TFAP2A: variants seen among roughly 807,000 people sequenced by gnomAD.
TFAP2A encodes transcription factor AP-2-alpha.
A neutral mutation model predicts 41.5 loss-of-function variants in TFAP2A; 7 were observed. That is an observed-to-expected ratio of 0.17 (90% CI 0.10 to 0.32). The LOEUF (loss-of-function observed/expected upper bound fraction) is 0.32. Among genes scored for constraint, TFAP2A ranks in the 10% least tolerant of loss-of-function variants. The probability of loss-of-function intolerance (pLI) is 1.00; values close to 1 mark genes in which losing one functional copy is unlikely to be tolerated. For synonymous variants in TFAP2A, 247 were observed against 242.8 expected, an observed-to-expected ratio of 1.02 and a Z score of -0.16; for missense variants, 416 against 563.3, an observed-to-expected ratio of 0.74 and a Z score of 2.65.
intron 1 of TFAP2A, chr6:10,414,706 G>A (rs1436021437): frequency 1.5e-6 from 1 of 652,908 alleles, no homozygotes; most frequent in East Asian, 2.8e-5. Context: ...GTCAGAAAGG[G>A]GAGTAAAGTG....
chr6:10,419,321 C>T (rs1758350384), upstream of TFAP2A: 5 of 1,467,124 alleles, frequency 3.4e-6, no homozygotes, highest in African/African-American at 1.4e-5. Flanking sequence ...CTCCCCTGCC[C>T]TGGGCCACGG....
At chr6:10,399,395 C>G (rs1166576802) in intron 6 of TFAP2A, among the ~76,000 whole-genome samples, 3 of 152,188 alleles carry the variant, frequency 2.0e-5, no homozygotes, top group South Asian at 2.1e-4. Context: ...CCACATAGCT[C>G]AAAATAAAAA....
At chr6:10,416,099 A>G (rs1295481167), upstream of TFAP2A, 3 of 152,198 alleles carry the variant, frequency 2.0e-5, no homozygotes, top group South Asian at 2.1e-4. Flanking sequence ...GAGCCTAAAA[A>G]CAGACGTGTG....
intron 5 of TFAP2A, chr6:10,400,879 C>A (rs1332593750): frequency 1.7e-5 from 10 of 598,316 alleles, no homozygotes; most frequent in Admixed American, 8.7e-5. Flanking sequence ...TCTCCAAATT[C>A]TCTTTTAAAA....
At chr6:10,409,335 A>C (rs988148993) in intron 2 of TFAP2A, 1 of 153,928 alleles carries the variant, frequency 6.5e-6, no homozygotes, top group African/African-American at 2.4e-5. Flanking sequence ...AGTAAGAAGA[A>C]GGCTGCATTT....
At chr6:10,413,942 C>A (rs1275972347) in intron 1 of TFAP2A, among the ~76,000 whole-genome samples, 1 of 152,228 alleles carries the variant, frequency 6.6e-6, no homozygotes, top group East Asian at 1.9e-4. Flanking sequence ...ACACCCCAAC[C>A]CCTCTCTCGG....
chr6:10,416,017 C>A (rs917593647), upstream of TFAP2A: 19 of 152,344 alleles, frequency 1.2e-4, no homozygotes, highest in Admixed American at 8.5e-4. Context: ...GGTGTTCAGG[C>A]TAAGGTTTCC....
intron 6 of TFAP2A, among the ~76,000 whole-genome samples, chr6:10,400,043 C>T (rs888175706): frequency 2.0e-5 from 3 of 152,070 alleles, no homozygotes; most frequent in African/African-American, 7.2e-5. Context: ...TTGCAGGCCA[C>T]TGTTTAATCT....
At chr6:10,418,496 A>C (rs1371954818), upstream of TFAP2A, 1 of 152,256 alleles carries the variant, frequency 6.6e-6, no homozygotes, top group Non-Finnish European at 1.5e-5. Context: ...CGCGGTTCTG[A>C]TGATGAAATC....
chr6:10,414,510 T>A (rs1361053758), intron 1 of TFAP2A: 2 of 314,140 alleles, frequency 6.4e-6, no homozygotes, highest in Admixed American at 4.4e-5. Flanking sequence ...AGAAGGAATA[T>A]TAAAGATCGG....
chr6:10,400,970 G>A (rs1210224953), intron 5 of TFAP2A, among the ~76,000 whole-genome samples: 5 of 152,148 alleles, frequency 3.3e-5, no homozygotes, highest in African/African-American at 1.2e-4. Context: ...TTTCTGCAAG[G>A]GAACAACTGA....
Position 10,398,723 on chromosome 6 carries a change from C to G in TFAP2A, c.1032-18G>C, listed in dbSNP as rs1554110741. 2 of 1,611,860 alleles carry G rather than the reference C, an allele frequency of 1.2e-6. No homozygotes were observed. The highest frequency in any genetic ancestry group is 1.7e-6 in the Non-Finnish European group (2 of 1,178,614). ...ATATCTGTCTGCAGCACAAGTGGAGCAGAGAGAGAGACATAAGGCTCCACT... is the reference window on the plus strand; with the variant it reads ...ATATCTGTCTGCAGCACAAGTGGAGGAGAGAGAGAGACATAAGGCTCCACT... On this transcript the variant is annotated intron_variant, in intron 6 of 6. Coordinates refer to ENST00000379613, the MANE Select transcript of TFAP2A (RefSeq NM_001372066.1). The surrounding 1 kb of genome is among the most constrained non-coding windows in gnomAD (Gnocchi z 5.3).
chr6:10,398,467 T>A lies in TFAP2A; in HGVS notation c.1270A>T (p.Thr424Ser). The change falls in exon 7 of 7, where the codon ACG becomes TCG. Residue 424 changes from threonine (T) to serine (S), a missense_variant. Coordinates refer to ENST00000379613, the MANE Select transcript of TFAP2A (RefSeq NM_001372066.1). This position sits in a 1 kb window ranked among gnomAD's most constrained non-coding sequence, Gnocchi z 5.3. ...MYLSNNPNSHTDNNAKSSDKE... is the reference protein window; with the variant it reads ...MYLSNNPNSHSDNNAKSSDKE... ...TCACTGCTTTTGGCGTTGTTGTCCG[T>A]GTGGCTGTTGGGGTTGTTGCTGAGG... 6.2e-7 allele frequency: 1 copy of A among 1,614,212 alleles called. No homozygotes were observed. Among genetic ancestry groups the A allele is most frequent in the Non-Finnish European group, 8.5e-7 (1 of 1,180,042 alleles).
rs1367388357 is a variant in TFAP2A at position 10,398,544 on chromosome 6, G to T, written c.1193C>A (p.Thr398Lys). The change falls in exon 7 of 7, where the codon ACG (threonine) becomes AAG (lysine). Residue 398 changes from threonine (T) to lysine (K), a missense_variant. Around this residue, in one of 3 missense-constraint regions of TFAP2A, gnomAD observed 116 missense variants for 153.8 expected, o/e 0.75. Transcript: ENST00000379613. The surrounding 1 kb of genome is among the most constrained non-coding windows in gnomAD (Gnocchi z 5.3). ...CTCGGTGAGATAGTTCTGCAGGGCCGTGACCGCGGCACACACCGCGGGGCT... is the reference window on the plus strand; with the variant it reads ...CTCGGTGAGATAGTTCTGCAGGGCCTTGACCGCGGCACACACCGCGGGGCT... ...FGSPAVCAAV[T>K]ALQNYLTEAL... The T allele has an allele frequency of 6.2e-7, 1 of 1,614,114 alleles. No individual in the cohort carries two copies. The highest frequency in any genetic ancestry group is 8.5e-7 in the Non-Finnish European group (1 of 1,180,054).
chr6:10,417,800 A>T (rs1340804770), upstream of TFAP2A, among the ~76,000 whole-genome samples: 1 of 151,468 alleles, frequency 6.6e-6, no homozygotes, highest in Non-Finnish European at 1.5e-5. Flanking sequence ...GCCTCCAGCC[A>T]CTTGCCTAAC....
upstream of TFAP2A, chr6:10,415,288 T>A: frequency 7.2e-7 from 1 of 1,398,494 alleles, no homozygotes; most frequent in South Asian, 1.5e-5. Context: ...CTTTTCCAGC[T>A]CTTTACCAAC....
intron 1 of TFAP2A, among the ~76,000 whole-genome samples, chr6:10,414,010 C>G (rs940796835): frequency 9.8e-5 from 15 of 152,376 alleles, no homozygotes; most frequent in African/African-American, 3.6e-4. Flanking sequence ...TGCGGGTGGA[C>G]AGGTCGCGCT....
chr6:10,403,713 G>A (rs1008847252), intron 4 of TFAP2A, among the ~76,000 whole-genome samples: 3 of 152,176 alleles, frequency 2.0e-5, no homozygotes, highest in African/African-American at 7.2e-5. Context: ...ACTGCCCTAA[G>A]GGAAGGTGCT....
chr6:10,417,556 G>A (rs1758293059), upstream of TFAP2A, among the ~76,000 whole-genome samples: 1 of 152,252 alleles, frequency 6.6e-6, no homozygotes, highest in Admixed American at 6.5e-5. Context: ...CCAGGCCTGG[G>A]GTTGGAGGTC....
Sources: gnomAD v4.1 joint callset for allele counts (sites outside exome capture counted in the v4.1 genomes callset) on GRCh38, gnomAD v4.1.1 for gene constraint, gnomAD v4.1.1 regional missense constraint, Gnocchi (gnomAD v3.1) non-coding constraint, MANE v1.5 for transcripts, NCBI Gene and HGNC (gene_info 2026-07-23, HGNC 2026-07-21) for gene names.